Variants in C8orf34 observed in about 807,000 individuals in gnomAD.
The protein encoded by C8orf34 is chromosome 8 open reading frame 34.
C8orf34 carries 65 observed loss-of-function variants against 68.3 expected under a neutral mutation model. The observed-to-expected ratio is 0.95, with a 90% CI of 0.78 to 1.17. The LOEUF (loss-of-function observed/expected upper bound fraction) is 1.17, where lower values mean the gene tolerates loss of function less well. Ranked by LOEUF, C8orf34 falls within the 50% of genes most tolerant of loss-of-function variation. C8orf34 has a pLI of 0.00. For missense variants in C8orf34, 664 were observed against 655.4 expected, an observed-to-expected ratio of 1.01 and a Z score of -0.14; for synonymous variants, 244 against 241.2, an observed-to-expected ratio of 1.01 and a Z score of -0.11.
At chr8:68,470,001 C>T (rs1586206595) in intron 4 of C8orf34, among the ~76,000 whole-genome samples, 1 of 151,200 alleles carries the variant, frequency 6.6e-6, no homozygotes, top group African/African-American at 2.4e-5. Context: ...TCATTAGACC[C>T]TTCTATATTT....
chr8:68,714,121 G>A (rs1821402312), intron 9 of C8orf34, among the ~76,000 whole-genome samples: 1 of 151,954 alleles, frequency 6.6e-6, no homozygotes, highest in South Asian at 2.1e-4. Flanking sequence ...CAGCAAAATT[G>A]GTATAGAAGG....
At chr8:68,333,028 C>T (rs1805697672) in intron 1 of C8orf34, among the ~76,000 whole-genome samples, 1 of 152,148 alleles carries the variant, frequency 6.6e-6, no homozygotes, top group Non-Finnish European at 1.5e-5. Context: ...TTTCTCTCTA[C>T]TCTCCTGGAG....
At chr8:68,702,579 G>A (rs1202043734) in intron 8 of C8orf34, among the ~76,000 whole-genome samples, 1 of 152,102 alleles carries the variant, frequency 6.6e-6, no homozygotes, top group East Asian at 1.9e-4. Flanking sequence ...AATATTTTAT[G>A]TATGTGTATG....
At chr8:68,520,502 G>A (rs1490879033) in intron 5 of C8orf34, among the ~76,000 whole-genome samples, 1 of 152,068 alleles carries the variant, frequency 6.6e-6, no homozygotes, top group Non-Finnish European at 1.5e-5. Flanking sequence ...CCAGGCTGGA[G>A]TGCAGTGGCA....
At chr8:68,402,537 T>C (rs975841855) in intron 1 of C8orf34, among the ~76,000 whole-genome samples, 4 of 152,170 alleles carry the variant, frequency 2.6e-5, no homozygotes, top group African/African-American at 9.6e-5. Flanking sequence ...GATGTAGGCA[T>C]TTAATGTGAT....
At chr8:68,739,255 AAACTCTCAAT>A (rs1429647407) in intron 10 of C8orf34, among the ~76,000 whole-genome samples, 3 of 152,182 alleles carry the variant, frequency 2.0e-5, no homozygotes, top group African/African-American at 7.2e-5. Flanking sequence ...TTTATGTTAA[AAACTCTCAAT>A]AACCTAGGTT....
chr8:68,404,592 T>C (rs1171217826), intron 1 of C8orf34, among the ~76,000 whole-genome samples: 1 of 152,222 alleles, frequency 6.6e-6, no homozygotes, highest in Non-Finnish European at 1.5e-5. Context: ...TTTCTGCATA[T>C]GACTAGCCAG....
At chr8:68,483,372 A>G (rs1812941861) in intron 4 of C8orf34, among the ~76,000 whole-genome samples, 1 of 152,188 alleles carries the variant, frequency 6.6e-6, no homozygotes, top group African/African-American at 2.4e-5. Flanking sequence ...GAAACATTTA[A>G]TAGGGACTAA....
intron 10 of C8orf34, among the ~76,000 whole-genome samples, chr8:68,744,826 G>A (rs1411172096): frequency 6.6e-6 from 1 of 152,172 alleles, no homozygotes; most frequent in Non-Finnish European, 1.5e-5. Flanking sequence ...TATTATCCAG[G>A]AGAACTTCCC....
At position 68,603,533 on chromosome 8, in the gene C8orf34, C is replaced by A. The variant is rs55762435; in HGVS notation, c.1106-36843C>A. 8.5e-4 allele frequency among the ~76,000 whole-genome samples: 73 copies of A among 85,466 alleles called. 1 individual carries two copies. Among genetic ancestry groups the A allele is most frequent in the African/African-American group, 3.2e-3 (28 of 8,732 alleles). The allele number at this position is 85,466 out of a possible 152,430, so 56.1% of individuals were successfully genotyped here. A position where few individuals can be genotyped will look rare whatever the true frequency, so the allele number is the denominator to read the frequency against. ...TGTATATATACATATATCTATCTAT[C>A]TATCTATCTATCTATCTATCTATCT... On this transcript the variant is annotated intron_variant, in intron 7 of 13. Transcript: ENST00000518698.
Position 68,705,766 on chromosome 8 carries a change from G to A in C8orf34, c.1242-3228G>A, listed in dbSNP as rs140459221. 2.6e-4 allele frequency among the ~76,000 whole-genome samples: 40 copies of A among 151,896 alleles called. 1 individual carries two copies. In the East Asian group the frequency reaches 7.5e-3, roughly 29 times the overall value. ...TTAAGACTGAAAGAGAAGTGAGCTT[G>A]TTCATATGCTGTGGGAAATGATAGT... On this transcript the variant is annotated intron_variant, in intron 8 of 13. Coordinates refer to ENST00000518698, the MANE Select transcript of C8orf34 (RefSeq NM_052958.4).
chr8:68,732,522 T>C (rs1400660889), intron 10 of C8orf34, among the ~76,000 whole-genome samples: 1 of 152,110 alleles, frequency 6.6e-6, no homozygotes, highest in Non-Finnish European at 1.5e-5. Context: ...AATAATGACT[T>C]GTATCATTTC....
intron 1 of C8orf34, among the ~76,000 whole-genome samples, chr8:68,353,731 G>A (rs1442262218): frequency 6.6e-6 from 1 of 150,440 alleles, no homozygotes; most frequent in East Asian, 2.0e-4. Context: ...AAAAAAAATT[G>A]CATCTGTAAT....
chr8:68,652,904 A>C (rs1245217948), intron 8 of C8orf34, among the ~76,000 whole-genome samples: 1 of 152,180 alleles, frequency 6.6e-6, no homozygotes, highest in African/African-American at 2.4e-5. Context: ...AGTGAAAAAG[A>C]TCAGGGCAAA....
intron 5 of C8orf34, among the ~76,000 whole-genome samples, chr8:68,518,060 C>G (rs1280752886): frequency 2.0e-5 from 3 of 152,142 alleles, no homozygotes; most frequent in African/African-American, 7.2e-5. Flanking sequence ...GACTTGAATA[C>G]AGTTCACACT....
intron 8 of C8orf34, among the ~76,000 whole-genome samples, chr8:68,664,825 C>T (rs1433312761): frequency 6.6e-6 from 1 of 152,002 alleles, no homozygotes; most frequent in African/African-American, 2.4e-5. Context: ...CTGGGAGATT[C>T]ATATTTCACT....
intron 5 of C8orf34, among the ~76,000 whole-genome samples, chr8:68,512,152 C>G (rs951742952): frequency 6.6e-6 from 1 of 152,136 alleles, no homozygotes; most frequent in Non-Finnish European, 1.5e-5. Context: ...AGGATAGTTA[C>G]AGTTAGAAAC....
chr8:68,677,876 A>G (rs954204268), intron 8 of C8orf34, among the ~76,000 whole-genome samples: 1 of 152,174 alleles, frequency 6.6e-6, no homozygotes, highest in Admixed American at 6.5e-5. Flanking sequence ...ACCCAAATAA[A>G]TGAAATCAGA....
intron 7 of C8orf34, among the ~76,000 whole-genome samples, chr8:68,578,126 G>A (rs1816961458): frequency 2.0e-5 from 3 of 151,856 alleles, no homozygotes; most frequent in South Asian, 4.2e-4. Flanking sequence ...GAGAAGGAAA[G>A]GAATAGGCAC....
Sources: allele counts gnomAD v4.1 joint callset (sites outside exome capture counted in the v4.1 genomes callset), GRCh38; gene constraint gnomAD v4.1.1; transcripts MANE v1.5; gene names NCBI Gene and HGNC (gene_info 2026-07-23, HGNC 2026-07-21).